FNTB: variants seen among roughly 807,000 people sequenced by gnomAD.
FNTB encodes farnesyltransferase, CAAX box, subunit beta.
In FNTB, 27 loss-of-function variants were observed where a neutral mutation model predicts 59.4. The ratio of observed to expected loss-of-function variants is 0.45; its 90% confidence interval spans 0.34 to 0.63. FNTB has a LOEUF of 0.63. Ranked by LOEUF, FNTB falls within the 20% of genes least tolerant of loss-of-function variation. The pLI is 0.02. For missense variants in FNTB, 449 were observed against 559.6 expected (o/e 0.80, Z 1.99); for synonymous variants, 230 against 220.7 (o/e 1.04, Z -0.37).
At position 65,054,278 on chromosome 14, in the gene FNTB, A is replaced by G. The variant is rs2062678482; in HGVS notation, c.1068-297A>G. 6.6e-6 allele frequency among the ~76,000 whole-genome samples: 1 copy of G among 151,906 alleles called. No homozygotes were observed. Among genetic ancestry groups the G allele is most frequent in the African/African-American group, 2.4e-5 (1 of 41,362 alleles). ...CAGGCATCGGCCACCACACCTAGCT[A>G]ATTTTTAATTTTTTGTAGAGACGGG... On this transcript the variant is annotated intron_variant, in intron 10 of 11. Transcript: ENST00000246166. This position sits in a 1 kb window ranked among gnomAD's most constrained non-coding sequence, Gnocchi z 4.4.
chr14:64,989,793 T>A (rs929059336), intron 1 of FNTB, among the ~76,000 whole-genome samples: 18 of 152,230 alleles, frequency 1.2e-4, no homozygotes, highest in Admixed American at 4.6e-4. Flanking sequence ...TTGATGCCTT[T>A]ATGAAACTGT....
chr14:64,998,815 GT>G (rs1268986947), intron 1 of FNTB, among the ~76,000 whole-genome samples: 1 of 152,196 alleles, frequency 6.6e-6, no homozygotes, highest in Non-Finnish European at 1.5e-5. Context: ...TTTCAAACAA[GT>G]TTAGCTTAGT....
chr14:65,059,544 A>AAAT (rs1365536158), intron 11 of FNTB, among the ~76,000 whole-genome samples: 1 of 152,030 alleles, frequency 6.6e-6, no homozygotes, highest in African/African-American at 2.4e-5. Flanking sequence ...TGGTTTTTAA[A>AAAT]AATTATTGTT....
rs1027051527 is a variant in FNTB at position 65,001,070 on chromosome 14, C to G, written c.145-3179C>G. Among the ~76,000 whole-genome samples, 8 of 152,184 alleles carry G rather than the reference C, an allele frequency of 5.3e-5. No homozygotes were observed. The highest frequency in any genetic ancestry group is 1.9e-4 in the African/African-American group (8 of 41,520). On this transcript the variant is annotated intron_variant, in intron 1 of 11. Coordinates refer to ENST00000246166, the MANE Select transcript of FNTB (RefSeq NM_002028.4). This position sits in a 1 kb window ranked among gnomAD's most constrained non-coding sequence, Gnocchi z 5.5. ...TTGGGAGCATAAATGAAGTCCTATA[C>G]TTGGTCTCTCTGGGCCTGATAAATT...
At chr14:65,024,937 G>T (rs1474721351) in intron 4 of FNTB, among the ~76,000 whole-genome samples, 2 of 151,676 alleles carry the variant, frequency 1.3e-5, no homozygotes, top group African/African-American at 2.4e-5. Context: ...TTGTTTGTTT[G>T]TTTTTTTTAA....
rs772007018 is a variant in FNTB, at chr14:65,006,310, T to C, written c.209+1997T>C. On this transcript the variant is annotated intron_variant, in intron 2 of 11. Transcript: ENST00000246166. ...CTGGGGAAGGAAAGGAGGAAAAATATCAGCTTACTAGTATAGTCTTTCCCT... is the reference window on the plus strand; with the variant it reads ...CTGGGGAAGGAAAGGAGGAAAAATACCAGCTTACTAGTATAGTCTTTCCCT... 19 of 1,613,620 alleles carry C rather than the reference T, an allele frequency of 1.2e-5. No homozygotes were observed. In the South Asian group the frequency reaches 1.5e-4, roughly 13 times the overall value.
intron 4 of FNTB, among the ~76,000 whole-genome samples, chr14:65,024,328 A>C (rs1595045850): frequency 2.0e-5 from 3 of 151,820 alleles, no homozygotes; most frequent in Admixed American, 2.0e-4. Flanking sequence ...GGGTGTTGGG[A>C]TTTTTTTAAA....
chr14:65,042,469 G>A (rs2062374876), intron 8 of FNTB, among the ~76,000 whole-genome samples: 1 of 152,140 alleles, frequency 6.6e-6, no homozygotes, highest in African/African-American at 2.4e-5. Context: ...GCGCTCCTAT[G>A]AGAATCTAAT....
chr14:65,046,662 GA>G lies in FNTB; in HGVS notation c.955+2221del, dbSNP rs572921228. On this transcript the variant is annotated intron_variant, in intron 9 of 11. Coordinates refer to ENST00000246166, the MANE Select transcript of FNTB (RefSeq NM_002028.4). ...CTTGGAACAGACAGGAGTCTGTAAA[GA>G]AGGGAAGTGTGTTGAAAGGAGGGCA... Among the ~76,000 whole-genome samples the G allele has an allele frequency of 9.1e-4, 139 of 152,320 alleles. 1 individual carries two copies. Among genetic ancestry groups the G allele is most frequent in the African/African-American group, 3.2e-3 (133 of 41,566 alleles).
At chr14:65,055,539 C>CA (rs1192148030) in intron 11 of FNTB, among the ~76,000 whole-genome samples, 1 of 151,230 alleles carries the variant, frequency 6.6e-6, no homozygotes, top group African/African-American at 2.4e-5. Flanking sequence ...TTTTGTGAGA[C>CA]AAAGTCTCAC....
intron 4 of FNTB, among the ~76,000 whole-genome samples, chr14:65,021,744 C>G (rs2061889679): frequency 6.6e-6 from 1 of 152,198 alleles, no homozygotes; most frequent in African/African-American, 2.4e-5. Context: ...CTTCCGGGTT[C>G]AAGCGATTCT....
intron 1 of FNTB, among the ~76,000 whole-genome samples, chr14:64,993,662 C>T (rs933091172): frequency 2.0e-5 from 3 of 152,082 alleles, no homozygotes; most frequent in African/African-American, 4.8e-5. Context: ...AACATTCTGT[C>T]TCTGGGAGAG....
chr14:65,027,292 GC>G lies in FNTB; in HGVS notation c.375-158del. The G allele has an allele frequency of 1.7e-5, 19 of 1,093,142 alleles. No homozygotes were observed. Among genetic ancestry groups the G allele is most frequent in the Non-Finnish European group, 2.5e-5 (19 of 767,620 alleles). 67.7% of individuals were successfully genotyped at this position (1,093,142 alleles called of 1,614,324 possible). A position where few individuals can be genotyped will look rare whatever the true frequency, so the allele number is the denominator to read the frequency against. On this transcript the variant is annotated intron_variant, in intron 4 of 11. Transcript: ENST00000246166. This position sits in a 1 kb window ranked among gnomAD's most constrained non-coding sequence, Gnocchi z 5.7. ...TGATGATAGCTGGAGAGAGAATTAA[GC>G]CCTTTGGGGAGAGGTTATATTCAAC... is the stretch of plus-strand genomic sequence containing the variant.
At position 65,014,970 on chromosome 14, in the gene FNTB, C is replaced by G. The variant is rs771499229; in HGVS notation, c.283-655C>G. ...AATGTATATCTCCTTGGTTCTATACCGAGAAAATAGCAGCCCCTAACCTCC... is the reference window on the plus strand; with the variant it reads ...AATGTATATCTCCTTGGTTCTATACGGAGAAAATAGCAGCCCCTAACCTCC... On this transcript the variant is annotated intron_variant, in intron 3 of 11. Transcript: ENST00000246166. This position sits in a 1 kb window ranked among gnomAD's most constrained non-coding sequence, Gnocchi z 5.1. Among the ~76,000 whole-genome samples, 1 of 152,020 alleles carries G rather than the reference C, an allele frequency of 6.6e-6. No homozygotes were observed. Among genetic ancestry groups the G allele is most frequent in the African/African-American group, 2.4e-5 (1 of 41,406 alleles).
At chr14:65,048,178 T>C (rs1054374167) in intron 9 of FNTB, among the ~76,000 whole-genome samples, 5 of 151,836 alleles carry the variant, frequency 3.3e-5, no homozygotes, top group African/African-American at 9.7e-5. Context: ...AGACAGGATA[T>C]GACTATGTTG....
At chr14:64,988,965 C>T (rs1464813525) in intron 1 of FNTB, among the ~76,000 whole-genome samples, 2 of 152,042 alleles carry the variant, frequency 1.3e-5, no homozygotes, top group Non-Finnish European at 2.9e-5. Flanking sequence ...TATGTGGTAT[C>T]ATTCAATCCT....
intron 1 of FNTB, among the ~76,000 whole-genome samples, chr14:64,999,212 T>C (rs1888512371): frequency 6.6e-6 from 1 of 152,080 alleles, no homozygotes; most frequent in Admixed American, 6.6e-5. Context: ...CCAAGGCTTA[T>C]GGATCACTTG....
intron 1 of FNTB, among the ~76,000 whole-genome samples, chr14:65,002,326 T>C (rs2061532789): frequency 6.6e-6 from 1 of 152,178 alleles, no homozygotes; most frequent in African/African-American, 2.4e-5. Context: ...ACCAAGGGGT[T>C]GGCTGGGCGT....
chr14:65,014,856 C>T lies in FNTB; in HGVS notation c.283-769C>T, dbSNP rs2061740591. Among the ~76,000 whole-genome samples, 1 of 152,098 alleles carries T rather than the reference C, an allele frequency of 6.6e-6. No homozygotes were observed. On this transcript the variant is annotated intron_variant, in intron 3 of 11. Coordinates refer to ENST00000246166, the MANE Select transcript of FNTB (RefSeq NM_002028.4). This position sits in a 1 kb window ranked among gnomAD's most constrained non-coding sequence, Gnocchi z 5.1. ...AAACCAAATTTTATTATCATCCCCCCAGTGTCTAATACAGTGCTTGGCACA... is the reference window on the plus strand; with the variant it reads ...AAACCAAATTTTATTATCATCCCCCTAGTGTCTAATACAGTGCTTGGCACA...
Sources: gnomAD v4.1 joint callset for allele counts (sites outside exome capture counted in the v4.1 genomes callset) on GRCh38, gnomAD v4.1.1 for gene constraint, Gnocchi (gnomAD v3.1) non-coding constraint, MANE v1.5 for transcripts, NCBI Gene and HGNC (gene_info 2026-07-23, HGNC 2026-07-21) for gene names.